The following SOX5 variants were observed in gnomAD, a reference collection of about 807,000 sequenced individuals.
SOX5 encodes the protein transcription factor SOX-5.
A neutral mutation model predicts 92.0 loss-of-function variants in SOX5; 9 were observed. That is an observed-to-expected ratio of 0.10 (90% CI 0.06 to 0.17). The LOEUF (loss-of-function observed/expected upper bound fraction) is 0.17. Among genes scored for constraint, SOX5 ranks in the 10% least tolerant of loss-of-function variants. The probability of loss-of-function intolerance (pLI) is 1.00; values close to 1 mark genes in which losing one functional copy is unlikely to be tolerated. For missense variants in SOX5, 642 were observed against 944.5 expected, an observed-to-expected ratio of 0.68 and a Z score of 4.20; for synonymous variants, 344 against 336.3, an observed-to-expected ratio of 1.02 and a Z score of -0.25.
At chr12:23,561,025 CTAAATTA>C (rs1394003702) in intron 11 of SOX5, among the ~76,000 whole-genome samples, 1 of 152,078 alleles carries the variant, frequency 6.6e-6, no homozygotes. Flanking sequence ...TTAAAAACTC[CTAAATTA>C]TAAGACCATA....
chr12:24,414,335 G>A (rs1272362117), intron 1 of SOX5, among the ~76,000 whole-genome samples: 2 of 152,074 alleles, frequency 1.3e-5, no homozygotes, highest in Non-Finnish European at 2.9e-5. Context: ...GCCTAAATAT[G>A]AACAAACAGT....
At chr12:24,556,082 C>T (rs4963575) in intron 1 of SOX5, among the ~76,000 whole-genome samples, 47,458 of 152,024 alleles carry the variant, frequency 0.31, 8,931 homozygotes, top group East Asian at 0.81. Context: ...AGTCAAGCTT[C>T]TTCCTACTCA....
chr12:23,804,944 T>C (rs1384503656), intron 3 of SOX5, among the ~76,000 whole-genome samples: 1 of 35,828 alleles, frequency 2.8e-5, no homozygotes, highest in African/African-American at 1.0e-4. Context: ...TATATATATA[T>C]ATATATATAT....
At chr12:23,756,949 A>G (rs749946773) in intron 3 of SOX5, among the ~76,000 whole-genome samples, 1 of 151,820 alleles carries the variant, frequency 6.6e-6, no homozygotes, top group Non-Finnish European at 1.5e-5. Flanking sequence ...CCCCATCTTT[A>G]CAGCGATCAG....
intron 4 of SOX5, among the ~76,000 whole-genome samples, chr12:24,023,580 G>C (rs545039215): frequency 6.6e-6 from 1 of 152,106 alleles, no homozygotes; most frequent in Admixed American, 6.6e-5. Flanking sequence ...CAACTTAATT[G>C]CTAAATTTCA....
At chr12:24,043,598 A>T (rs987072832) in intron 4 of SOX5, among the ~76,000 whole-genome samples, 1 of 152,232 alleles carries the variant, frequency 6.6e-6, no homozygotes, top group South Asian at 2.1e-4. Context: ...GGGTCCCCCA[A>T]GTTCATCATG....
rs1247129868 is a variant in SOX5, at chr12:23,536,673, T to C, written c.1772-4A>G. On this transcript the variant is annotated splice_polypyrimidine_tract_variant and splice_region_variant and intron_variant, in intron 13 of 14. Coordinates refer to ENST00000451604, the MANE Select transcript of SOX5 (RefSeq NM_006940.6). ...GTCATAGCTTTCCAGCGAGATCCTATGAAGAAAGGAGGTTAGGATTCCAAT... is the reference window on the plus strand; with the variant it reads ...GTCATAGCTTTCCAGCGAGATCCTACGAAGAAAGGAGGTTAGGATTCCAAT... The C allele has an allele frequency of 6.2e-7, 1 of 1,609,964 alleles. No individual in the cohort carries two copies. The highest frequency in any genetic ancestry group is 1.3e-5 in the African/African-American group (1 of 74,828).
chr12:23,882,224 G>A (rs1027430424), intron 2 of SOX5, among the ~76,000 whole-genome samples: 1 of 151,886 alleles, frequency 6.6e-6, no homozygotes, highest in African/African-American at 2.4e-5. Flanking sequence ...CCCTCTTGCT[G>A]GTAACATAGA....
chr12:24,491,379 C>T (rs1228295570), intron 1 of SOX5, among the ~76,000 whole-genome samples: 1 of 152,004 alleles, frequency 6.6e-6, no homozygotes, highest in African/African-American at 2.4e-5. Flanking sequence ...ACCTCTTTTA[C>T]TATACCAATC....
intron 14 of SOX5, among the ~76,000 whole-genome samples, chr12:23,535,821 G>A (rs12227654): frequency 0.14 from 21,035 of 152,098 alleles, 1,857 homozygotes; most frequent in Non-Finnish European, 0.2. Context: ...CTTTATTTTG[G>A]GTTTTTGAGA....
chr12:23,582,643 G>C (rs1344456422), intron 9 of SOX5, among the ~76,000 whole-genome samples: 2 of 151,990 alleles, frequency 1.3e-5, no homozygotes, highest in African/African-American at 2.4e-5. Context: ...TTCTTTGATA[G>C]GTATGCTTTT....
At chr12:23,626,553 C>T (rs551607188) in intron 8 of SOX5, among the ~76,000 whole-genome samples, 1 of 152,150 alleles carries the variant, frequency 6.6e-6, no homozygotes, top group South Asian at 2.1e-4. Flanking sequence ...CATTATTCTT[C>T]TCCCATTTTT....
At chr12:24,167,360 A>C (rs917563071) in intron 4 of SOX5, among the ~76,000 whole-genome samples, 6 of 152,218 alleles carry the variant, frequency 3.9e-5, no homozygotes, top group Non-Finnish European at 7.3e-5. Context: ...AACTTATTTT[A>C]CCTAGGAACC....
rs963732430 is a variant in SOX5 at position 24,006,656 on chromosome 12, T to C, written c.-1-110632A>G. On this transcript the variant is annotated intron_variant, in intron 4 of 4. Coordinates refer to the SOX5 transcript ENST00000446891. ...AAATCTGCCTGATCCTGTAACTCAG[T>C]GTTAGGAAGATTCCTTGTCCATATT... 3.3e-5 allele frequency among the ~76,000 whole-genome samples: 5 copies of C among 152,214 alleles called. No homozygotes were observed. The South Asian group carries it at 8.3e-4, about 25-fold the overall frequency.
chr12:24,154,919 A>G (rs1952015215), intron 4 of SOX5, among the ~76,000 whole-genome samples: 1 of 152,146 alleles, frequency 6.6e-6, no homozygotes, highest in South Asian at 2.1e-4. Context: ...TTGTCAGAGG[A>G]TTATAAAAGT....
chr12:24,464,781 A>C lies in SOX5; in HGVS notation c.-250-96142T>G, dbSNP rs527742904. 8.5e-5 allele frequency among the ~76,000 whole-genome samples: 13 copies of C among 152,372 alleles called. No individual in the cohort carries two copies. In the East Asian group the frequency reaches 2.3e-3, roughly 27 times the overall value. ...GAGGAAACTCAGGTATAAAGAGTTT[A>C]AATCATTTGTCCAAGCCCTACAGTT... On this transcript the variant is annotated intron_variant, in intron 1 of 4. Transcript: ENST00000446891.
intron 4 of SOX5, among the ~76,000 whole-genome samples, chr12:23,992,929 G>A (rs1300382188): frequency 1.3e-5 from 2 of 152,136 alleles, no homozygotes; most frequent in Non-Finnish European, 2.9e-5. Flanking sequence ...AGTGGAATAT[G>A]TGAAAGAAAA....
chr12:24,055,807 G>C (rs145325231), intron 4 of SOX5, among the ~76,000 whole-genome samples: 33 of 152,308 alleles, frequency 2.2e-4, no homozygotes, highest in African/African-American at 7.5e-4. Flanking sequence ...ATGACACCTA[G>C]GAGTTACCAT....
chr12:23,821,071 C>A (rs2096104777), intron 3 of SOX5, among the ~76,000 whole-genome samples: 1 of 152,052 alleles, frequency 6.6e-6, no homozygotes, highest in Non-Finnish European at 1.5e-5. Context: ...GAATGTTTTG[C>A]CATTTGTTTG....
Sources: gnomAD v4.1 joint callset for allele counts (sites outside exome capture counted in the v4.1 genomes callset) on GRCh38, gnomAD v4.1.1 for gene constraint, MANE v1.5 for transcripts, NCBI Gene and HGNC (gene_info 2026-07-23, HGNC 2026-07-21) for gene names.